Variants in ALMS1 observed in about 807,000 individuals in gnomAD.
ALMS1 encodes the protein ALMS1 centrosome and basal body associated protein.
A neutral mutation model predicts 352.2 loss-of-function variants in ALMS1; 271 were observed. The observed-to-expected ratio is 0.77, with a 90% confidence interval of 0.70 to 0.85. The LOEUF is 0.85. ALMS1 is among the 40% of genes least tolerant of loss of function. The probability of loss-of-function intolerance (pLI) is 0.00; values close to 1 mark genes in which losing one functional copy is unlikely to be tolerated. For missense variants in ALMS1, 5,445 were observed against 4,870.7 expected (o/e 1.12, Z -3.51); for synonymous variants, 1,865 against 1,761.2 (o/e 1.06, Z -1.48).
intron 11 of ALMS1, among the ~76,000 whole-genome samples, chr2:73,525,855 T>G (rs779221237): frequency 6.6e-6 from 1 of 152,186 alleles, no homozygotes; most frequent in Non-Finnish European, 1.5e-5. Flanking sequence ...TTGCCAATAT[T>G]TAATGTCCTA....
At position 73,451,517 on chromosome 2, in the gene ALMS1, A is replaced by G. The variant is rs1312068232; in HGVS notation, c.4990A>G (p.Ser1664Gly). Residue 1664 changes from serine to glycine, a missense_variant, in exon 8 of 23, where the codon AGC becomes GGC. Coordinates refer to ENST00000613296, the MANE Select transcript of ALMS1 (RefSeq NM_001378454.1). ...TGAGACATTACCAGTACATTCTACT[A>G]GCTACTCAAATAGGGGGAAGCCTGT... ...KTETLPVHSTSYSNRGKPVIF... is the reference protein window; with the variant it reads ...KTETLPVHSTGYSNRGKPVIF... 1 of 1,612,684 alleles carries G rather than the reference A, an allele frequency of 6.2e-7. No homozygotes were observed. The highest frequency in any genetic ancestry group is 8.5e-7 in the Non-Finnish European group (1 of 1,179,588).
At chr2:73,583,920 C>T (rs1029373495) in intron 16 of ALMS1, among the ~76,000 whole-genome samples, 1 of 152,132 alleles carries the variant, frequency 6.6e-6, no homozygotes, top group Non-Finnish European at 1.5e-5. Flanking sequence ...AGTGTGAATA[C>T]TCCAACATTG....
chr2:73,421,890 A>G (rs1487289663), intron 3 of ALMS1, among the ~76,000 whole-genome samples: 1 of 152,170 alleles, frequency 6.6e-6, no homozygotes, highest in Non-Finnish European at 1.5e-5. Context: ...GGCATTCTGA[A>G]ATCAAGAAAG....
At chr2:73,442,009 A>T (rs1048181163) in intron 7 of ALMS1, among the ~76,000 whole-genome samples, 1 of 152,202 alleles carries the variant, frequency 6.6e-6, no homozygotes, top group Non-Finnish European at 1.5e-5. Context: ...CACCTATGCC[A>T]TGAAACTTTC....
At chr2:73,454,296 T>C in intron 8 of ALMS1, 1 of 977,332 alleles carries the variant, frequency 1.0e-6, no homozygotes, top group African/African-American at 1.7e-5. Context: ...TGTAGTTAAG[T>C]TACAGTATTA....
chr2:73,464,402 A>G (rs1158986938), intron 9 of ALMS1, among the ~76,000 whole-genome samples: 1 of 152,240 alleles, frequency 6.6e-6, no homozygotes, highest in African/African-American at 2.4e-5. Flanking sequence ...ACAACCCTTC[A>G]TGCTAGAAAC....
intron 10 of ALMS1, among the ~76,000 whole-genome samples, chr2:73,495,777 C>T (rs1019847062): frequency 1.1e-4 from 16 of 152,176 alleles, no homozygotes; most frequent in Non-Finnish European, 2.4e-4. Context: ...TACAGATCCA[C>T]AAGGTTGATT....
chr2:73,448,708 A>G lies in ALMS1; in HGVS notation c.2181A>G (p.Gln727=), dbSNP rs939189519. The change falls in exon 8 of 23, where the codon CAA becomes CAG. Residue 727 remains glutamine, a synonymous_variant. Coordinates refer to ENST00000613296, the MANE Select transcript of ALMS1 (RefSeq NM_001378454.1). ...GAGAGAAGCCTGGTATTTTTTACCA[A>G]CAAGAGTTCGCAGACAGTCATCAAA... is the stretch of plus-strand genomic sequence containing the variant. The part of the protein sequence containing the change: ...SHREKPGIFY[Q]QEFADSHQTE... 1.9e-6 allele frequency: 3 copies of G among 1,605,080 alleles called. No individual in the cohort carries two copies. The highest frequency in any genetic ancestry group is 2.7e-5 in the African/African-American group (2 of 74,738).
chr2:73,392,006 G>A (rs1433800529), intron 1 of ALMS1, among the ~76,000 whole-genome samples: 3 of 151,968 alleles, frequency 2.0e-5, no homozygotes, highest in Non-Finnish European at 1.5e-5. Context: ...AATTTTAATG[G>A]AGTGCTACAC....
chr2:73,581,650 C>A (rs1675180455), intron 16 of ALMS1, among the ~76,000 whole-genome samples: 1 of 152,172 alleles, frequency 6.6e-6, no homozygotes. Context: ...GGCACTTTCT[C>A]CCTTGGAGGT....
intron 10 of ALMS1, among the ~76,000 whole-genome samples, chr2:73,518,933 T>A (rs1380457570): frequency 2.0e-5 from 3 of 152,188 alleles, no homozygotes; most frequent in Non-Finnish European, 4.4e-5. Context: ...TTTAATTAGA[T>A]CCCACTTGTC....
At chr2:73,510,664 G>C (rs1439601245) in intron 10 of ALMS1, among the ~76,000 whole-genome samples, 3 of 152,196 alleles carry the variant, frequency 2.0e-5, no homozygotes, top group Non-Finnish European at 2.9e-5. Flanking sequence ...CTGCTGGTAG[G>C]TGTCTCCCCA....
chr2:73,536,774 G>T (rs1282379481), intron 12 of ALMS1, among the ~76,000 whole-genome samples: 2 of 152,084 alleles, frequency 1.3e-5, no homozygotes, highest in Non-Finnish European at 2.9e-5. Flanking sequence ...AAAAACTGGG[G>T]CAAAGGAAAC....
intron 1 of ALMS1, among the ~76,000 whole-genome samples, chr2:73,389,323 A>G (rs754720701): frequency 6.6e-6 from 1 of 151,958 alleles, no homozygotes. Context: ...TGAGTTCCTT[A>G]TAGATGCTGG....
chr2:73,456,541 A>G (rs1342193105), intron 9 of ALMS1, among the ~76,000 whole-genome samples: 3 of 152,198 alleles, frequency 2.0e-5, no homozygotes, highest in Admixed American at 6.5e-5. Context: ...ACTGGCAGCT[A>G]TTATTACTAT....
intron 12 of ALMS1, among the ~76,000 whole-genome samples, chr2:73,535,280 A>T (rs915424974): frequency 6.6e-6 from 1 of 152,036 alleles, no homozygotes; most frequent in Non-Finnish European, 1.5e-5. Flanking sequence ...ATAAGCAATT[A>T]TTTTTTTCAA....
intron 1 of ALMS1, among the ~76,000 whole-genome samples, chr2:73,388,031 G>C (rs1670574304): frequency 6.6e-6 from 1 of 152,298 alleles, no homozygotes; most frequent in South Asian, 2.1e-4. Flanking sequence ...GGAGGTGGTG[G>C]CTGTGAGTGG....
chr2:73,472,663 C>A (rs541679113), intron 9 of ALMS1, among the ~76,000 whole-genome samples: 13 of 152,128 alleles, frequency 8.5e-5, no homozygotes, highest in African/African-American at 3.1e-4. Flanking sequence ...CACTATGGCA[C>A]CTTAAATTGC....
At chr2:73,588,062 T>C (rs1454231757) in intron 16 of ALMS1, among the ~76,000 whole-genome samples, 1 of 152,142 alleles carries the variant, frequency 6.6e-6, no homozygotes, top group Non-Finnish European at 1.5e-5. Flanking sequence ...CAGGACCAGA[T>C]GGATTCACAG....
Sources: allele counts gnomAD v4.1 joint callset (sites outside exome capture counted in the v4.1 genomes callset), GRCh38; gene constraint gnomAD v4.1.1; transcripts MANE v1.5; gene names NCBI Gene and HGNC (gene_info 2026-07-23, HGNC 2026-07-21).